The following PTPRK variants were observed in gnomAD, a reference collection of about 807,000 sequenced individuals.
PTPRK encodes the protein protein tyrosine phosphatase receptor type K, also known as receptor-type tyrosine-protein phosphatase kappa.
A neutral mutation model predicts 178.0 loss-of-function variants in PTPRK; 75 were observed. That is an observed-to-expected ratio of 0.42 (90% CI 0.35 to 0.51). The LOEUF is 0.51. PTPRK is among the 20% of genes least tolerant of loss of function. The probability of loss-of-function intolerance (pLI) is 0.02; values close to 1 mark genes in which losing one functional copy is unlikely to be tolerated. For synonymous variants in PTPRK, 637 were observed against 620.6 expected (o/e 1.03, Z -0.39); for missense variants, 1,441 against 1,797.8 (o/e 0.80, Z 3.59).
At chr6:128,179,350 C>A (rs1801567979) in intron 7 of PTPRK, among the ~76,000 whole-genome samples, 1 of 151,756 alleles carries the variant, frequency 6.6e-6, no homozygotes, top group Non-Finnish European at 1.5e-5. Context: ...AATCTAAAAA[C>A]CAAAAATTAG....
Position 128,464,638 on chromosome 6 carries a change from C to CATATATATATATATATGT in PTPRK, c.100+55620_100+55621insACATATATATATATATAT, listed in dbSNP as rs1849546243. ...ACATATACATATATATATATATACA[C>CATATATATATATATATGT]ATATATATATATATATATATATATA... is the stretch of plus-strand genomic sequence containing the variant. On this transcript the variant is annotated intron_variant, in intron 1 of 29. Transcript: ENST00000368226. 2.7e-3 allele frequency among the ~76,000 whole-genome samples: 133 copies of CATATATATATATATATGT among 48,598 alleles called. 13 individuals are homozygous for CATATATATATATATATGT. In the East Asian group the frequency reaches 0.054, roughly 20 times the overall value. The allele number at this position is 48,598 out of a possible 152,430, so 31.9% of individuals were successfully genotyped here.
At chr6:128,403,275 G>A (rs972575212) in intron 1 of PTPRK, among the ~76,000 whole-genome samples, 22 of 152,118 alleles carry the variant, frequency 1.4e-4, no homozygotes, top group African/African-American at 5.1e-4. Flanking sequence ...TATCCAGAAT[G>A]GAATAACAAG....
chr6:128,389,111 A>C (rs1839183135), intron 2 of PTPRK, among the ~76,000 whole-genome samples: 1 of 152,144 alleles, frequency 6.6e-6, no homozygotes, highest in Non-Finnish European at 1.5e-5. Context: ...CTAAGTTGTC[A>C]TATGCTCTAA....
At chr6:128,380,076 C>T (rs939765679) in intron 2 of PTPRK, among the ~76,000 whole-genome samples, 1 of 151,950 alleles carries the variant, frequency 6.6e-6, no homozygotes, top group Non-Finnish European at 1.5e-5. Context: ...CCTGCTCAGC[C>T]TGGATGTAAA....
intron 6 of PTPRK, among the ~76,000 whole-genome samples, chr6:128,196,425 G>A (rs1383679814): frequency 6.6e-6 from 1 of 152,068 alleles, no homozygotes; most frequent in African/African-American, 2.4e-5. Flanking sequence ...GCTTAACCAT[G>A]TAAAAATAGT....
intron 3 of PTPRK, among the ~76,000 whole-genome samples, chr6:128,251,866 C>CATTACCA (rs1816513301): frequency 6.6e-6 from 1 of 152,154 alleles, no homozygotes; most frequent in South Asian, 2.1e-4. Context: ...TGAGGTTTAG[C>CATTACCA]ATTACCAATT....
chr6:128,078,753 G>A (rs1784290253), intron 11 of PTPRK, 60 bp downstream of exon 11: 2 of 1,237,716 alleles, frequency 1.6e-6, no homozygotes, highest in African/African-American at 3.0e-5. Context: ...GCATACTTGG[G>A]CATCTTGGGA....
At chr6:128,198,634 T>C (rs1173061727) in intron 6 of PTPRK, among the ~76,000 whole-genome samples, 2 of 152,186 alleles carry the variant, frequency 1.3e-5, no homozygotes, top group African/African-American at 4.8e-5. Flanking sequence ...ATAAAAATCA[T>C]TCCACCTTTA....
chr6:127,981,764 G>T (rs1189214445), intron 24 of PTPRK, among the ~76,000 whole-genome samples: 1 of 152,110 alleles, frequency 6.6e-6, no homozygotes, highest in Admixed American at 6.6e-5. Context: ...GTGTTTTAAG[G>T]GCAGTGAAAA....
At chr6:127,998,965 G>T in intron 15 of PTPRK, 61 bp from the exon 16 acceptor site, 1 of 1,354,422 alleles carries the variant, frequency 7.4e-7, no homozygotes, top group Non-Finnish European at 9.9e-7. Flanking sequence ...TTTAATATAT[G>T]TATCTATGCA....
intron 1 of PTPRK, among the ~76,000 whole-genome samples, chr6:128,430,321 G>T (rs1015282024): frequency 1.1e-4 from 17 of 152,124 alleles, no homozygotes; most frequent in African/African-American, 4.1e-4. Context: ...TTTCTCCCAA[G>T]ATTATTTAAA....
chr6:128,371,259 T>C (rs1366183890), intron 2 of PTPRK, among the ~76,000 whole-genome samples: 1 of 152,228 alleles, frequency 6.6e-6, no homozygotes, highest in East Asian at 1.9e-4. Context: ...ACTCTATCTG[T>C]ACCATAATGT....
At chr6:128,332,090 T>G (rs543553279) in intron 2 of PTPRK, among the ~76,000 whole-genome samples, 90 of 152,170 alleles carry the variant, frequency 5.9e-4, no homozygotes, top group Non-Finnish European at 8.5e-4. Context: ...ATTTACCCGC[T>G]ACACTACACA....
At chr6:128,081,590 C>T (rs1190640229) in intron 10 of PTPRK, among the ~76,000 whole-genome samples, 3 of 151,770 alleles carry the variant, frequency 2.0e-5, no homozygotes, top group Non-Finnish European at 4.4e-5. Flanking sequence ...AAAATGAACA[C>T]AAATGAACAA....
intron 3 of PTPRK, among the ~76,000 whole-genome samples, chr6:128,257,283 G>A (rs1359213914): frequency 2.0e-5 from 3 of 150,760 alleles, no homozygotes; most frequent in Non-Finnish European, 3.0e-5. Flanking sequence ...ATCTTGCATG[G>A]ACTTCTACAC....
chr6:128,304,117 TA>T (rs1198349609), intron 3 of PTPRK, among the ~76,000 whole-genome samples: 4 of 152,222 alleles, frequency 2.6e-5, no homozygotes, highest in African/African-American at 9.6e-5. Context: ...AGAGGCACAG[TA>T]GTGCCTTCTG....
At chr6:128,385,692 C>T (rs1838605060) in intron 2 of PTPRK, among the ~76,000 whole-genome samples, 1 of 152,170 alleles carries the variant, frequency 6.6e-6, no homozygotes, top group Admixed American at 6.5e-5. Context: ...TTTCTGCATT[C>T]CTCCCATGCT....
intron 8 of PTPRK, 135 bp from the exon 9 acceptor site, chr6:128,083,959 A>C (rs1785283330): frequency 4.4e-6 from 2 of 457,228 alleles, no homozygotes; most frequent in African/African-American, 4.1e-5. Flanking sequence ...TAAAAACAAA[A>C]TAAACTATAT....
At chr6:128,381,241 G>C (rs899155247) in intron 2 of PTPRK, among the ~76,000 whole-genome samples, 2 of 151,940 alleles carry the variant, frequency 1.3e-5, no homozygotes. Flanking sequence ...AACCCACATG[G>C]AATAACTACA....
Sources: gnomAD v4.1 joint callset for allele counts (sites outside exome capture counted in the v4.1 genomes callset) on GRCh38, gnomAD v4.1.1 for gene constraint, MANE v1.5 for transcripts, NCBI Gene and HGNC (gene_info 2026-07-23, HGNC 2026-07-21) for gene names.